The following KCNIP4 variants were observed in gnomAD, a reference collection of about 807,000 sequenced individuals.
KCNIP4 encodes potassium voltage-gated channel interacting protein 4, also known as Kv channel-interacting protein 4.
A neutral mutation model predicts 34.0 loss-of-function variants in KCNIP4; 12 were observed. The observed-to-expected ratio is 0.35, with a 90% confidence interval of 0.23 to 0.57. KCNIP4 has a LOEUF of 0.57. Ranked by LOEUF, KCNIP4 falls within the 20% of genes least tolerant of loss-of-function variation. KCNIP4 has a pLI of 0.83. For missense variants in KCNIP4, 238 were observed against 311.7 expected, an observed-to-expected ratio of 0.76 and a Z score of 1.78; for synonymous variants, 124 against 102.2, an observed-to-expected ratio of 1.21 and a Z score of -1.29.
intron 1 of KCNIP4, among the ~76,000 whole-genome samples, chr4:21,107,730 G>C (rs28878285): frequency 0.14 from 20,847 of 151,470 alleles, 1,671 homozygotes; most frequent in South Asian, 0.19. Context: ...TGTTGCAGTG[G>C]CTGGTACCAG....
chr4:20,999,427 GTTTGTTT>G (rs1560634175), intron 1 of KCNIP4, among the ~76,000 whole-genome samples: 87 of 27,740 alleles, frequency 3.1e-3, no homozygotes, highest in Middle Eastern at 0.017. Context: ...TTTTTTTTTT[GTTTGTTT>G]TTTGTTTTTT....
chr4:21,379,685 G>A (rs775400789), intron 1 of KCNIP4, among the ~76,000 whole-genome samples: 123 of 152,042 alleles, frequency 8.1e-4, no homozygotes, highest in Non-Finnish European at 1.4e-3. Flanking sequence ...ACAATAGATG[G>A]CAAATAATTA....
rs181793283 is a variant in KCNIP4 at position 21,000,276 on chromosome 4, G to A, written c.62-117567C>T. Among the ~76,000 whole-genome samples the A allele has an allele frequency of 1.6e-3, 244 of 152,022 alleles. 2 individuals are homozygous for A. Among genetic ancestry groups the A allele is most frequent in the South Asian group, 0.015 (72 of 4,818 alleles). ...ACTCCTCTAATAAGTCGTCTCAGCCGCTGCCCTTGTCTCCCCATATTCTAT... is the reference window on the plus strand; with the variant it reads ...ACTCCTCTAATAAGTCGTCTCAGCCACTGCCCTTGTCTCCCCATATTCTAT... On this transcript the variant is annotated intron_variant, in intron 1 of 8. Coordinates refer to ENST00000382152, the MANE Select transcript of KCNIP4 (RefSeq NM_025221.6).
chr4:21,061,986 G>C (rs563122117), intron 1 of KCNIP4, among the ~76,000 whole-genome samples: 4 of 152,254 alleles, frequency 2.6e-5, no homozygotes, highest in Admixed American at 1.3e-4. Flanking sequence ...AATCTATCTT[G>C]TTCACATCTT....
intron 1 of KCNIP4, among the ~76,000 whole-genome samples, chr4:21,030,790 A>G (rs1336928210): frequency 3.3e-5 from 5 of 152,182 alleles, no homozygotes; most frequent in Non-Finnish European, 7.3e-5. Flanking sequence ...TACTAAATTG[A>G]TAGGCTTGTG....
intron 1 of KCNIP4, among the ~76,000 whole-genome samples, chr4:21,254,316 G>T (rs1760914985): frequency 6.6e-6 from 1 of 152,134 alleles, no homozygotes; most frequent in South Asian, 2.1e-4. Context: ...TCAATCACCA[G>T]TGCATTTCTT....
intron 1 of KCNIP4, among the ~76,000 whole-genome samples, chr4:20,887,014 G>A (rs547981522): frequency 5.3e-4 from 81 of 152,120 alleles, no homozygotes; most frequent in Admixed American, 1.2e-3. Context: ...AAGAAATGAC[G>A]TTAAAGATAG....
At chr4:21,107,452 G>C (rs1159317247) in intron 1 of KCNIP4, among the ~76,000 whole-genome samples, 1 of 151,104 alleles carries the variant, frequency 6.6e-6, no homozygotes, top group Non-Finnish European at 1.5e-5. Context: ...CATTTGCTCG[G>C]TAGATTTTCC....
At chr4:21,202,777 T>A (rs1756580548) in intron 1 of KCNIP4, among the ~76,000 whole-genome samples, 1 of 152,076 alleles carries the variant, frequency 6.6e-6, no homozygotes, top group African/African-American at 2.4e-5. Context: ...TAGTTATAAA[T>A]CCCATAATGG....
At chr4:21,845,606 A>G (rs1305267597) in intron 1 of KCNIP4, 3 of 152,064 alleles carry the variant, frequency 2.0e-5, no homozygotes, top group Non-Finnish European at 4.4e-5. Flanking sequence ...AGGAAGTTAC[A>G]TAGGAGCTTG....
chr4:21,923,673 C>T (rs930296828), intron 1 of KCNIP4, among the ~76,000 whole-genome samples: 6 of 152,266 alleles, frequency 3.9e-5, no homozygotes, highest in South Asian at 2.1e-4. Flanking sequence ...ATCTCCTCCA[C>T]GAAGTCTTCC....
At chr4:21,654,787 G>C (rs532245438) in intron 1 of KCNIP4, among the ~76,000 whole-genome samples, 2 of 152,248 alleles carry the variant, frequency 1.3e-5, no homozygotes, top group East Asian at 3.9e-4. Context: ...AGTCGGGTGT[G>C]GTGGCTGACG....
rs578147799 is a variant in KCNIP4, at chr4:21,832,724, A to C, written c.61+115847T>G. Among the ~76,000 whole-genome samples the C allele has an allele frequency of 3.4e-4, 45 of 133,734 alleles. 1 individual carries two copies. The highest frequency in any genetic ancestry group is 1.2e-3 in the African/African-American group (43 of 35,056). The allele number at this position is 133,734 out of a possible 152,430, so 87.7% of individuals were successfully genotyped here. A position where few individuals can be genotyped will look rare whatever the true frequency, so the allele number is the denominator to read the frequency against. On this transcript the variant is annotated intron_variant, in intron 1 of 8. Transcript: ENST00000382152. Reference sequence around the variant, plus strand: ...CATCTAGCATTAGGTATATCTCCCAATGCTATCCCTCCCCCCTCCCCCCAC... The same window carrying C: ...CATCTAGCATTAGGTATATCTCCCACTGCTATCCCTCCCCCCTCCCCCCAC...
chr4:21,323,913 ACTGAATGT>A (rs1287536347), intron 1 of KCNIP4, among the ~76,000 whole-genome samples: 2 of 151,914 alleles, frequency 1.3e-5, no homozygotes, highest in African/African-American at 4.8e-5. Flanking sequence ...AGCATTTGTT[ACTGAATGT>A]CTTTTAGATA....
intron 1 of KCNIP4, among the ~76,000 whole-genome samples, chr4:21,826,008 C>T (rs907176915): frequency 3.9e-5 from 6 of 152,130 alleles, no homozygotes; most frequent in Non-Finnish European, 8.8e-5. Flanking sequence ...AGGAGGACAG[C>T]AAGCTCAAAG....
chr4:21,433,272 T>G (rs1364485263), intron 1 of KCNIP4, among the ~76,000 whole-genome samples: 2 of 152,188 alleles, frequency 1.3e-5, no homozygotes, highest in Admixed American at 6.5e-5. Context: ...GAACATTCCC[T>G]AGGAACTGTT....
chr4:21,064,781 C>T (rs1376723077), intron 1 of KCNIP4, among the ~76,000 whole-genome samples: 2 of 151,874 alleles, frequency 1.3e-5, no homozygotes, highest in African/African-American at 2.4e-5. Context: ...TCTGGGACCT[C>T]GCTAAATGTA....
intron 1 of KCNIP4, among the ~76,000 whole-genome samples, chr4:20,959,766 G>A (rs896647859): frequency 6.6e-6 from 1 of 152,094 alleles, no homozygotes; most frequent in African/African-American, 2.4e-5. Context: ...GTTCAATGTG[G>A]TTGTTAATAA....
intron 1 of KCNIP4, among the ~76,000 whole-genome samples, chr4:21,856,585 C>A (rs1176221793): frequency 1.3e-5 from 2 of 152,156 alleles, no homozygotes; most frequent in Non-Finnish European, 2.9e-5. Flanking sequence ...GCTGTGGCTG[C>A]AGACCTGGGC....
Sources: allele counts gnomAD v4.1 joint callset (sites outside exome capture counted in the v4.1 genomes callset), GRCh38; gene constraint gnomAD v4.1.1; transcripts MANE v1.5; gene names NCBI Gene and HGNC (gene_info 2026-07-23, HGNC 2026-07-21).